SLC18A2: variants seen among roughly 807,000 people sequenced by gnomAD.
SLC18A2 encodes synaptic vesicular amine transporter.
Under a neutral mutation model 59.2 loss-of-function variants are expected in SLC18A2, and 33 were observed. The ratio of observed to expected loss-of-function variants is 0.56; its 90% CI spans 0.42 to 0.75. The LOEUF (loss-of-function observed/expected upper bound fraction) is 0.75, where lower values mean the gene tolerates loss of function less well. Among genes scored for constraint, SLC18A2 ranks in the 30% least tolerant of loss-of-function variants. The pLI is 0.00. For synonymous variants in SLC18A2, 228 were observed against 253.5 expected (o/e 0.90, Z 0.95); for missense variants, 569 against 668.6 (o/e 0.85, Z 1.64).
At chr10:117,267,646 T>C (rs759735854) in intron 12 of SLC18A2, 27 bp from the exon 13 acceptor site, 1 of 1,513,136 alleles carries the variant, frequency 6.6e-7, no homozygotes, top group East Asian at 2.3e-5. Context: ...CTTGTTATTT[T>C]AGCATAATGT....
chr10:117,277,278 C>A lies in SLC18A2; in HGVS notation c.*12C>A, dbSNP rs772059897. 2 of 1,462,688 alleles carry A rather than the reference C, an allele frequency of 1.4e-6. No homozygotes were observed. The highest frequency in any genetic ancestry group is 1.4e-5 in the African/African-American group (1 of 71,778). The allele number at this position is 1,462,688 out of a possible 1,614,324, so 90.6% of individuals were successfully genotyped here. A position where few individuals can be genotyped will look rare whatever the true frequency, so the allele number is the denominator to read the frequency against. On this transcript the variant is annotated 3_prime_UTR_variant, in exon 16 of 16. Coordinates refer to ENST00000644641, the MANE Select transcript of SLC18A2 (RefSeq NM_003054.6). ...CTGAAAGTGACTGAGATGAGATCCT[C>A]AAAAATCATCAAAGTGTTTAATTGT...
intron 3 of SLC18A2, 89 bp downstream of exon 3, chr10:117,244,402 T>C: frequency 8.0e-7 from 1 of 1,245,394 alleles, no homozygotes; most frequent in Non-Finnish European, 1.1e-6. Context: ...TACTCATTGG[T>C]GAGAGTCTGG....
In SLC18A2 at chr10:117,267,735, T is replaced by A. The variant is rs1339328063; in HGVS notation, c.1185T>A (p.Ile395=). 1 of 1,556,500 alleles carries A rather than the reference T, an allele frequency of 6.4e-7. No homozygotes were observed. Among genetic ancestry groups the A allele is most frequent in the East Asian group, 2.3e-5 (1 of 44,060 alleles). ...CGAACTTTGGAGTTGGTTTTGCAATTGGTAAGTCACACGAACCTTGTGCCT... is the reference window on the plus strand; with the variant it reads ...CGAACTTTGGAGTTGGTTTTGCAATAGGTAAGTCACACGAACCTTGTGCCT... ...IAPNFGVGFA[I]GMVDSSMMPI... is the part of the protein sequence containing the mutation. The change falls in exon 13 of 16, where the codon ATT becomes ATA. Residue 395 remains isoleucine, a splice_region_variant and synonymous_variant. Transcript: ENST00000644641.
At chr10:117,249,576 C>A (rs2133729567) in intron 3 of SLC18A2, among the ~76,000 whole-genome samples, 1 of 152,194 alleles carries the variant, frequency 6.6e-6, no homozygotes, top group African/African-American at 2.4e-5. Flanking sequence ...TAGTTTGCAC[C>A]CTTCGGGGCT....
intron 3 of SLC18A2, among the ~76,000 whole-genome samples, chr10:117,245,066 C>A (rs1844096733): frequency 6.6e-6 from 1 of 152,204 alleles, no homozygotes; most frequent in African/African-American, 2.4e-5. Flanking sequence ...TGAGGTGGAC[C>A]AGTTCTGCCT....
At chr10:117,251,002 C>T (rs1350991277) in intron 3 of SLC18A2, among the ~76,000 whole-genome samples, 2 of 152,210 alleles carry the variant, frequency 1.3e-5, no homozygotes, top group Non-Finnish European at 2.9e-5. Context: ...TTTCTGCCTA[C>T]AGTCTGGGAA....
chr10:117,254,660 G>T (rs541564611), intron 6 of SLC18A2, among the ~76,000 whole-genome samples, 163 bp downstream of exon 6: 48 of 152,296 alleles, frequency 3.2e-4, no homozygotes, highest in African/African-American at 1.0e-3. Flanking sequence ...AAAATGGTAG[G>T]AAGAGCCCTG....
chr10:117,267,400 C>T (rs1445225805), intron 12 of SLC18A2: 2 of 441,438 alleles, frequency 4.5e-6, no homozygotes, highest in Non-Finnish European at 8.1e-6. Flanking sequence ...ATGAGGCCTA[C>T]TTGTTCTTGT....
chr10:117,276,928 C>T (rs890333852), intron 15 of SLC18A2, among the ~76,000 whole-genome samples: 7 of 152,174 alleles, frequency 4.6e-5, no homozygotes, highest in African/African-American at 1.7e-4. Context: ...TGGCCCCTGA[C>T]AGGTATAATG....
chr10:117,269,005 TAC>T lies in SLC18A2; in HGVS notation c.1187-1059_1187-1058del, dbSNP rs958378642. 5.1e-4 allele frequency among the ~76,000 whole-genome samples: 65 copies of T among 127,866 alleles called. No homozygotes were observed. The highest frequency in any genetic ancestry group is 5.4e-4 in the Non-Finnish European group (31 of 56,980). 83.9% of individuals were successfully genotyped at this position (127,866 alleles called of 152,430 possible). A position where few individuals can be genotyped will look rare whatever the true frequency, so the allele number is the denominator to read the frequency against. The stretch of plus-strand genomic sequence containing the variant: ...ACACATTCATACACACAAACACACA[TAC>T]ACACACTGACACACGCATACACACA... On this transcript the variant is annotated intron_variant, in intron 13 of 15. Transcript: ENST00000644641. The surrounding 1 kb of genome is among the most constrained non-coding windows in gnomAD (Gnocchi z 5.1).
chr10:117,260,752 C>T (rs1041199631), intron 10 of SLC18A2, among the ~76,000 whole-genome samples: 1 of 152,168 alleles, frequency 6.6e-6, no homozygotes, highest in East Asian at 1.9e-4. Flanking sequence ...GGATCTCAAT[C>T]CAGACCCCAA....
At chr10:117,245,653 G>T (rs542769704) in intron 3 of SLC18A2, among the ~76,000 whole-genome samples, 1 of 152,042 alleles carries the variant, frequency 6.6e-6, no homozygotes, top group Non-Finnish European at 1.5e-5. Context: ...CTTCAAGGTG[G>T]CAGCAGAGCA....
intron 8 of SLC18A2, 24 bp downstream of exon 8, chr10:117,255,546 C>T (rs1288848942): frequency 3.7e-6 from 6 of 1,614,140 alleles, no homozygotes; most frequent in East Asian, 2.2e-5. Flanking sequence ...AATGAGGGCC[C>T]TGGGGGAGGG....
rs1483638680 is a variant in SLC18A2 at position 117,241,774 on chromosome 10, C to CCTG, written c.82_84dup (p.Leu28dup). On this transcript the variant is annotated inframe_insertion, in exon 2 of 16. Transcript: ENST00000644641. The stretch of plus-strand genomic sequence containing the variant: ...GGAAGCTCATCCTGTTCATCGTGTT[C>CCTG]CTGGCGCTGCTGCTGGACAACATGC... 6.2e-7 allele frequency: 1 copy of CCTG among 1,611,268 alleles called. No homozygotes were observed. Among genetic ancestry groups the CCTG allele is most frequent in the East Asian group, 2.2e-5 (1 of 44,592 alleles).
chr10:117,250,902 T>C (rs363340), intron 3 of SLC18A2, among the ~76,000 whole-genome samples: 46,839 of 151,872 alleles, frequency 0.31, 7,961 homozygotes, highest in East Asian at 0.65. Flanking sequence ...CTGGCTGGAC[T>C]GAACAGTGGG....
chr10:117,264,339 C>A (rs539551881), intron 10 of SLC18A2, among the ~76,000 whole-genome samples: 1 of 152,196 alleles, frequency 6.6e-6, no homozygotes, highest in African/African-American at 2.4e-5. Flanking sequence ...AGGCTGGGTG[C>A]GTGGCTCATG....
rs558706789 is a variant in SLC18A2 at position 117,260,183 on chromosome 10, T to C, written c.991+2291T>C. Among the ~76,000 whole-genome samples, 134 of 152,322 alleles carry C rather than the reference T, an allele frequency of 8.8e-4. 1 individual carries two copies. Among genetic ancestry groups the C allele is most frequent in the Non-Finnish European group, 1.3e-3 (89 of 68,024 alleles). On this transcript the variant is annotated intron_variant, in intron 10 of 15. Coordinates refer to ENST00000644641, the MANE Select transcript of SLC18A2 (RefSeq NM_003054.6). ...GTTTCAGCCTCTTGTGTTGCCCCGGTTGCCATTCTGGTTAATTTCTGTGGA... is the reference window on the plus strand; with the variant it reads ...GTTTCAGCCTCTTGTGTTGCCCCGGCTGCCATTCTGGTTAATTTCTGTGGA...
At chr10:117,263,718 G>A (rs375433443) in intron 10 of SLC18A2, among the ~76,000 whole-genome samples, 1 of 152,158 alleles carries the variant, frequency 6.6e-6, no homozygotes, top group Non-Finnish European at 1.5e-5. Context: ...TTGGGGTGAG[G>A]CCTACAAGCC....
At chr10:117,248,776 T>C (rs968590067) in intron 3 of SLC18A2, among the ~76,000 whole-genome samples, 1 of 152,214 alleles carries the variant, frequency 6.6e-6, no homozygotes, top group Non-Finnish European at 1.5e-5. Context: ...AGCATAAGGT[T>C]GAAATAATAG....
Sources: allele counts gnomAD v4.1 joint callset (sites outside exome capture counted in the v4.1 genomes callset), GRCh38; gene constraint gnomAD v4.1.1; non-coding constraint Gnocchi (gnomAD v3.1); transcripts MANE v1.5; gene names NCBI Gene and HGNC (gene_info 2026-07-23, HGNC 2026-07-21).